Variants in HNRNPH3 observed in about 807,000 individuals in gnomAD.
HNRNPH3 encodes heterogeneous nuclear ribonucleoprotein H3.
A neutral mutation model predicts 47.0 loss-of-function variants in HNRNPH3; 7 were observed. The ratio of observed to expected loss-of-function variants is 0.15; its 90% CI spans 0.08 to 0.28. The LOEUF is 0.28. Among genes scored for constraint, HNRNPH3 ranks in the 10% least tolerant of loss-of-function variants. HNRNPH3 has a pLI of 1.00. For missense variants in HNRNPH3, 279 were observed against 449.6 expected (o/e 0.62, Z 3.43); for synonymous variants, 120 against 143.2 (o/e 0.84, Z 1.16).
intron 1 of HNRNPH3, chr10:68,336,956 A>G (rs1443113845): frequency 1.5e-5 from 5 of 337,754 alleles, no homozygotes; most frequent in African/African-American, 2.1e-5. Flanking sequence ...TCTTAAAATT[A>G]GGCAATATAT....
At chr10:68,335,414 T>G (rs2045493847) in intron 1 of HNRNPH3, among the ~76,000 whole-genome samples, 1 of 140,358 alleles carries the variant, frequency 7.1e-6, no homozygotes, top group Non-Finnish European at 1.6e-5. Context: ...ACTTGTTTTT[T>G]AGGTTGGTGC....
Position 68,339,198 on chromosome 10 carries a change from C to T in HNRNPH3, c.495C>T (p.Gly165=), listed in dbSNP as rs1189791251. The T allele has an allele frequency of 6.2e-7, 1 of 1,604,754 alleles. No individual in the cohort carries two copies. Among genetic ancestry groups the T allele is most frequent in the Non-Finnish European group, 8.5e-7 (1 of 1,171,846 alleles). Residue 165 remains glycine, a synonymous_variant, in exon 5 of 10, where the codon GGC becomes GGT. Transcript: ENST00000265866. The stretch of plus-strand genomic sequence containing the variant: ...ATAATTACGGCTATGGGAATGATGG[C>T]TTTGATGACAGAATGAGAGATGGAA... ...GYNNYGYGND[G]FDDRMRDGRG... is the part of the protein sequence containing the mutation.
Position 68,337,314 on chromosome 10 carries a change from A to G in HNRNPH3, c.93A>G (p.Glu31=), listed in dbSNP as rs1318585619. 4.4e-6 allele frequency: 7 copies of G among 1,602,164 alleles called. No individual in the cohort carries two copies. The highest frequency in any genetic ancestry group is 6.0e-6 in the Non-Finnish European group (7 of 1,169,226). ...RGLPFGCSKE[E]IVQFFQGLEI... ...TACCATTTGGTTGCAGCAAAGAGGA[A>G]ATAGTTCAGTTCTTTCAAGGTACCT... Residue 31 remains glutamate (E), a synonymous_variant, in exon 2 of 10, where the codon GAA becomes GAG. Transcript: ENST00000265866. This position sits in a 1 kb window ranked among gnomAD's most constrained non-coding sequence, Gnocchi z 4.5.
chr10:68,332,295 G>C (rs2295972), intron 1 of HNRNPH3, 79 bp downstream of exon 1: 7,081 of 152,286 alleles, frequency 0.046, 257 homozygotes, highest in East Asian at 0.17. Flanking sequence ...GCCGGGAGGG[G>C]CTGGGTTGGG....
intron 6 of HNRNPH3, among the ~76,000 whole-genome samples, chr10:68,339,761 C>G (rs1378143230): frequency 6.6e-6 from 1 of 151,418 alleles, no homozygotes. Flanking sequence ...TCACTGCAAG[C>G]TCTGCCTCCC....
intron 4 of HNRNPH3, 55 bp from the exon 5 acceptor site, chr10:68,339,083 TTA>T: frequency 7.4e-7 from 1 of 1,351,586 alleles, no homozygotes; most frequent in South Asian, 1.3e-5. Flanking sequence ...GTAAACTAAA[TTA>T]TAAAATTTAT....
chr10:68,337,402 AT>A lies in HNRNPH3; in HGVS notation c.112+72del. On this transcript the variant is annotated intron_variant, in intron 2 of 9. Transcript: ENST00000265866. This position sits in a 1 kb window ranked among gnomAD's most constrained non-coding sequence, Gnocchi z 4.5. ...TATTTGTATTGTTTTACTGTTTTTA[AT>A]TTGTAAAACCCATTTGATTTTGGAA... 1.9e-6 allele frequency: 2 copies of A among 1,030,186 alleles called. No homozygotes were observed. Among genetic ancestry groups the A allele is most frequent in the Non-Finnish European group, 3.0e-6 (2 of 671,550 alleles). 63.8% of individuals were successfully genotyped at this position (1,030,186 alleles called of 1,614,324 possible).
chr10:68,338,909 G>A, intron 4 of HNRNPH3: 1 of 530,280 alleles, frequency 1.9e-6, no homozygotes, highest in Non-Finnish European at 3.2e-6. Flanking sequence ...GGCATATTTT[G>A]ACCTTTTTTT....
intron 7 of HNRNPH3, 78 bp from the exon 8 acceptor site, chr10:68,341,507 C>CT (rs1372280218): frequency 2.7e-6 from 3 of 1,115,456 alleles, no homozygotes; most frequent in East Asian, 2.4e-5. Context: ...CTTAATTGAT[C>CT]TTTTTTACAA....
intron 4 of HNRNPH3, 186 bp downstream of exon 4, chr10:68,338,873 T>TAA (rs2045671427): frequency 1.9e-6 from 1 of 540,526 alleles, no homozygotes; most frequent in Non-Finnish European, 3.1e-6. Flanking sequence ...CTAGAAAACT[T>TAA]ACACAGAAAT....
chr10:68,338,977 A>T (rs889310097), intron 4 of HNRNPH3, 163 bp from the exon 5 acceptor site: 2 of 559,094 alleles, frequency 3.6e-6, no homozygotes, highest in African/African-American at 3.9e-5. Flanking sequence ...TGAGATTTTA[A>T]ATTTCCATCA....
chr10:68,342,731 AC>A lies in HNRNPH3; in HGVS notation c.*679del, dbSNP rs766928453. 1 of 152,622 alleles carries A rather than the reference AC, an allele frequency of 6.6e-6. No homozygotes were observed. Among genetic ancestry groups the A allele is most frequent in the Non-Finnish European group, 1.5e-5 (1 of 68,042 alleles). The allele number at this position is 152,622 out of a possible 1,614,324, so 9.5% of individuals were successfully genotyped here. Reference sequence around the variant, plus strand: ...AACCCCTTCAGCACTTGACCGAAATACCAAAAATGTCTCCAAAAAATTGATA... The same window carrying A: ...AACCCCTTCAGCACTTGACCGAAATACAAAAATGTCTCCAAAAAATTGATA... On this transcript the variant is annotated 3_prime_UTR_variant, in exon 10 of 10. Transcript: ENST00000265866.
intron 3 of HNRNPH3, 33 bp from the exon 4 acceptor site, chr10:68,338,470 C>A: frequency 1.4e-6 from 2 of 1,429,440 alleles, no homozygotes; most frequent in South Asian, 1.2e-5. Context: ...TACATTTATG[C>A]TGAAACCTGT....
chr10:68,339,118 T>C, intron 4 of HNRNPH3, 22 bp from the exon 5 acceptor site: 1 of 1,549,628 alleles, frequency 6.5e-7, no homozygotes, highest in Non-Finnish European at 8.8e-7. Flanking sequence ...TGTAGTCATG[T>C]GTTTCTCCTT....
intron 5 of HNRNPH3, 39 bp downstream of exon 5, chr10:68,339,265 A>G (rs2045703705): frequency 6.3e-7 from 1 of 1,582,438 alleles, no homozygotes. Context: ...TCATAGGTAA[A>G]TTTTAGTATT....
intron 1 of HNRNPH3, chr10:68,332,871 A>G (rs2045269199): frequency 6.6e-6 from 1 of 152,442 alleles, no homozygotes; most frequent in Admixed American, 6.5e-5. Flanking sequence ...AATGGCGACG[A>G]AGGTGCTCAA....
intron 5 of HNRNPH3, 93 bp from the exon 6 acceptor site, chr10:68,339,347 C>T: frequency 6.6e-7 from 1 of 1,516,184 alleles, no homozygotes; most frequent in South Asian, 1.2e-5. Flanking sequence ...CAGTGCATTC[C>T]TATATAGAGC....
intron 1 of HNRNPH3, among the ~76,000 whole-genome samples, chr10:68,333,797 A>G (rs1297280497): frequency 6.6e-6 from 1 of 152,212 alleles, no homozygotes; most frequent in African/African-American, 2.4e-5. Context: ...AGCTCTAAAA[A>G]CAAAAACTTA....
intron 1 of HNRNPH3, among the ~76,000 whole-genome samples, chr10:68,335,863 T>C (rs934036669): frequency 3.3e-5 from 5 of 152,142 alleles, no homozygotes; most frequent in Non-Finnish European, 7.4e-5. Flanking sequence ...ATTCATAATA[T>C]TTATTTGTGT....
Sources: allele counts gnomAD v4.1 joint callset (sites outside exome capture counted in the v4.1 genomes callset), GRCh38; gene constraint gnomAD v4.1.1; non-coding constraint Gnocchi (gnomAD v3.1); transcripts MANE v1.5; gene names NCBI Gene and HGNC (gene_info 2026-07-23, HGNC 2026-07-21).